CNTNAP5: variants seen among roughly 807,000 people sequenced by gnomAD.
CNTNAP5 encodes contactin associated protein family member 5, also known as contactin-associated protein-like 5.
In CNTNAP5, 72 loss-of-function variants were observed where a neutral mutation model predicts 150.2. The ratio of observed to expected loss-of-function variants is 0.48; its 90% CI spans 0.40 to 0.58. The LOEUF is 0.58. CNTNAP5 is among the 20% of genes least tolerant of loss of function. The pLI is 0.00. For missense variants in CNTNAP5, 1,636 were observed against 1,626.2 expected (o/e 1.01, Z -0.10); for synonymous variants, 672 against 619.8 (o/e 1.08, Z -1.25).
intron 1 of CNTNAP5, among the ~76,000 whole-genome samples, chr2:124,148,467 T>A (rs901846389): frequency 6.8e-6 from 1 of 147,940 alleles, no homozygotes. Context: ...ACTCTGCCTA[T>A]AACAAAGCAG....
At chr2:124,177,610 A>G (rs1269953848) in intron 1 of CNTNAP5, among the ~76,000 whole-genome samples, 1 of 152,170 alleles carries the variant, frequency 6.6e-6, no homozygotes, top group Non-Finnish European at 1.5e-5. Context: ...AAACAGATAC[A>G]TGAATGTATG....
intron 7 of CNTNAP5, among the ~76,000 whole-genome samples, chr2:124,494,516 C>T (rs1000135642): frequency 6.6e-6 from 1 of 152,194 alleles, no homozygotes; most frequent in African/African-American, 2.4e-5. Context: ...CATGTCTCCT[C>T]TGGAAACACC....
intron 6 of CNTNAP5, among the ~76,000 whole-genome samples, chr2:124,451,484 C>T (rs148004174): frequency 6.6e-6 from 1 of 152,106 alleles, no homozygotes; most frequent in Non-Finnish European, 1.5e-5. Context: ...ATAATTATGT[C>T]ATCCTCCCAA....
intron 19 of CNTNAP5, among the ~76,000 whole-genome samples, chr2:124,860,849 C>G (rs989627056): frequency 6.6e-6 from 1 of 151,942 alleles, no homozygotes; most frequent in South Asian, 2.1e-4. Context: ...ATGGGAGAGT[C>G]AACCTAATGA....
chr2:124,799,230 A>G (rs575451394), intron 19 of CNTNAP5, among the ~76,000 whole-genome samples: 1 of 152,236 alleles, frequency 6.6e-6, no homozygotes, highest in Admixed American at 6.5e-5. Context: ...ACAAAATGTA[A>G]TACGAGAAGT....
chr2:124,568,875 C>T (rs942673885), intron 11 of CNTNAP5, among the ~76,000 whole-genome samples: 2 of 152,040 alleles, frequency 1.3e-5, no homozygotes, highest in Non-Finnish European at 2.9e-5. Context: ...GAAACCCCGT[C>T]TCTACTAAAA....
At chr2:124,445,170 A>G (rs1190998514) in intron 5 of CNTNAP5, among the ~76,000 whole-genome samples, 1 of 149,948 alleles carries the variant, frequency 6.7e-6, no homozygotes, top group Non-Finnish European at 1.5e-5. Flanking sequence ...GCTCACTGCA[A>G]CCTCCGCCTC....
intron 1 of CNTNAP5, among the ~76,000 whole-genome samples, chr2:124,142,591 C>CGT (rs1684143006): frequency 7.3e-6 from 1 of 136,104 alleles, no homozygotes; most frequent in Non-Finnish European, 1.6e-5. Flanking sequence ...TTGAAACCAA[C>CGT]GAGAACAAAG....
intron 1 of CNTNAP5, among the ~76,000 whole-genome samples, chr2:124,108,312 C>T (rs1683212446): frequency 6.6e-6 from 1 of 152,156 alleles, no homozygotes; most frequent in South Asian, 2.1e-4. Context: ...TAGCTTTCCT[C>T]TCACTTGCAA....
At chr2:124,711,845 AAAAC>A (rs775227299) in intron 13 of CNTNAP5, among the ~76,000 whole-genome samples, 18 of 152,178 alleles carry the variant, frequency 1.2e-4, no homozygotes, top group African/African-American at 1.9e-4. Context: ...TGTCTCAAAA[AAAAC>A]AATAACAATA....
intron 21 of CNTNAP5, among the ~76,000 whole-genome samples, chr2:124,900,665 G>T (rs563350712): frequency 1.3e-5 from 2 of 151,682 alleles, no homozygotes; most frequent in African/African-American, 4.9e-5. Context: ...CAAGGACCTG[G>T]ACACTATGTA....
At chr2:124,269,303 C>T (rs561205412) in intron 3 of CNTNAP5, among the ~76,000 whole-genome samples, 10 of 152,146 alleles carry the variant, frequency 6.6e-5, no homozygotes, top group Admixed American at 1.3e-4. Context: ...CAGTGCAGAA[C>T]CTTTGAGTAC....
intron 19 of CNTNAP5, among the ~76,000 whole-genome samples, chr2:124,814,725 G>T (rs930312410): frequency 1.3e-5 from 2 of 152,088 alleles, no homozygotes; most frequent in South Asian, 2.1e-4. Flanking sequence ...TTGCTTAAAA[G>T]CACAGAAATA....
intron 3 of CNTNAP5, among the ~76,000 whole-genome samples, chr2:124,339,708 CCACATGGGGAAA>C (rs1689563120): frequency 6.6e-6 from 1 of 152,094 alleles, no homozygotes; most frequent in Non-Finnish European, 1.5e-5. Context: ...TGCGGGCAAC[CCACATGGGGAAA>C]CTGGAGTCAT....
intron 3 of CNTNAP5, among the ~76,000 whole-genome samples, chr2:124,336,735 T>C (rs1320675838): frequency 6.6e-6 from 1 of 152,094 alleles, no homozygotes. Context: ...TAGTATTCCA[T>C]GGTATATATG....
chr2:124,520,089 T>G (rs1404523210), intron 8 of CNTNAP5, among the ~76,000 whole-genome samples: 1 of 152,200 alleles, frequency 6.6e-6, no homozygotes, highest in East Asian at 1.9e-4. Flanking sequence ...ATTATTGCAG[T>G]GTTTTTTGTG....
intron 3 of CNTNAP5, among the ~76,000 whole-genome samples, chr2:124,351,763 A>G: frequency 6.6e-6 from 1 of 152,168 alleles, no homozygotes; most frequent in Non-Finnish European, 1.5e-5. Flanking sequence ...AGAATATTTT[A>G]CTTGGGAATA....
chr2:124,219,310 C>T (rs1398072264), intron 1 of CNTNAP5, among the ~76,000 whole-genome samples: 1 of 152,110 alleles, frequency 6.6e-6, no homozygotes. Context: ...TCATCAGTCA[C>T]ACATAAGACT....
intron 1 of CNTNAP5, among the ~76,000 whole-genome samples, chr2:124,096,652 G>A (rs368535543): frequency 6.6e-6 from 1 of 151,608 alleles, no homozygotes; most frequent in East Asian, 1.9e-4. Context: ...TGGGAAAATT[G>A]TTTTCCTCTC....
Sources: gnomAD v4.1 joint callset for allele counts (sites outside exome capture counted in the v4.1 genomes callset) on GRCh38, gnomAD v4.1.1 for gene constraint, MANE v1.5 for transcripts, NCBI Gene and HGNC (gene_info 2026-07-23, HGNC 2026-07-21) for gene names.